NLK: variants seen among roughly 807,000 people sequenced by gnomAD.
NLK encodes the protein serine/threonine-protein kinase NLK.
In NLK, 11 loss-of-function variants were observed where a neutral mutation model predicts 59.0. The observed-to-expected ratio is 0.19, with a 90% CI of 0.12 to 0.31. NLK has a LOEUF of 0.31. Among genes scored for constraint, NLK ranks in the 10% least tolerant of loss-of-function variants. The pLI is 1.00. For missense variants in NLK, 410 were observed against 661.1 expected, an observed-to-expected ratio of 0.62 and a Z score of 4.16; for synonymous variants, 235 against 235.9, an observed-to-expected ratio of 1.00 and a Z score of 0.03.
chr17:28,086,482 CTAAGAT>C (rs1242528979), intron 1 of NLK, among the ~76,000 whole-genome samples: 13 of 151,346 alleles, frequency 8.6e-5, no homozygotes. Context: ...AAGTCTTTGC[CTAAGAT>C]TAAGAGCTGA....
intron 7 of NLK, among the ~76,000 whole-genome samples, chr17:28,175,325 G>T (rs1400581674): frequency 6.6e-6 from 1 of 151,880 alleles, no homozygotes; most frequent in Admixed American, 6.6e-5. Context: ...GTGGTGGCAG[G>T]CGCCTGTAGT....
intron 1 of NLK, among the ~76,000 whole-genome samples, chr17:28,096,218 T>C (rs1307423930): frequency 6.6e-6 from 1 of 152,202 alleles, no homozygotes; most frequent in Admixed American, 6.5e-5. Flanking sequence ...GACTTTCTAC[T>C]GACTCACTAA....
chr17:28,086,117 A>T (rs1910508753), intron 1 of NLK, among the ~76,000 whole-genome samples: 1 of 152,228 alleles, frequency 6.6e-6, no homozygotes, highest in Non-Finnish European at 1.5e-5. Flanking sequence ...TAGTTTTTTT[A>T]AATCATGTAT....
At chr17:28,052,933 C>T (rs959770250) in intron 1 of NLK, among the ~76,000 whole-genome samples, 5 of 147,258 alleles carry the variant, frequency 3.4e-5, no homozygotes, top group Non-Finnish European at 7.5e-5. Context: ...TGTCACCACA[C>T]CTGGCTATTT....
chr17:28,136,557 A>T (rs1038100355), intron 3 of NLK, among the ~76,000 whole-genome samples: 1 of 152,170 alleles, frequency 6.6e-6, no homozygotes, highest in Non-Finnish European at 1.5e-5. Context: ...TTCTGCCTTC[A>T]CTGCTGATTC....
At chr17:28,177,598 C>T (rs1318901211) in intron 7 of NLK, among the ~76,000 whole-genome samples, 5 of 152,174 alleles carry the variant, frequency 3.3e-5, no homozygotes, top group Non-Finnish European at 7.3e-5. Context: ...AACAGGATTT[C>T]CCCAAGTGTT....
In NLK at chr17:28,134,382, C is replaced by G. The variant is rs7210994; in HGVS notation, c.644+1707C>G. Among the ~76,000 whole-genome samples the G allele has an allele frequency of 4.0e-3, 612 of 152,206 alleles. 3 individuals are homozygous for G. Among genetic ancestry groups the G allele is most frequent in the African/African-American group, 0.014 (577 of 41,532 alleles). ...CACCACTGCACTATAGCCTGGGCGA[C>G]AGAGTGAGACCTCGCCCTCCCGCCA... On this transcript the variant is annotated intron_variant, in intron 3 of 10. Coordinates refer to ENST00000407008, the MANE Select transcript of NLK (RefSeq NM_016231.5).
chr17:28,176,250 G>A (rs1908676751), intron 7 of NLK, among the ~76,000 whole-genome samples: 1 of 152,068 alleles, frequency 6.6e-6, no homozygotes, highest in African/African-American at 2.4e-5. Flanking sequence ...CTTAATATAG[G>A]AATATTAGAT....
intron 1 of NLK, among the ~76,000 whole-genome samples, chr17:28,107,826 A>G (rs1345615353): frequency 1.3e-5 from 2 of 152,224 alleles, no homozygotes; most frequent in South Asian, 2.1e-4. Context: ...AAAGAGACAT[A>G]TATCAGTAGA....
intron 3 of NLK, among the ~76,000 whole-genome samples, chr17:28,160,390 AACTTAAT>A (rs1907955983): frequency 6.6e-6 from 1 of 152,202 alleles, no homozygotes; most frequent in Non-Finnish European, 1.5e-5. Context: ...GCCTTAAGAA[AACTTAAT>A]ACTTAAATTA....
intron 4 of NLK, 121 bp downstream of exon 4, chr17:28,161,387 G>T (rs1907997904): frequency 1.7e-6 from 1 of 581,640 alleles, no homozygotes; most frequent in Non-Finnish European, 3.0e-6. Flanking sequence ...TTTTTCTTTT[G>T]ACCAAAGCAT....
At chr17:28,083,202 G>C (rs548921630) in intron 1 of NLK, among the ~76,000 whole-genome samples, 1 of 152,222 alleles carries the variant, frequency 6.6e-6, no homozygotes, top group East Asian at 1.9e-4. Flanking sequence ...AAAATTCTGG[G>C]TATCAGGATG....
At chr17:28,190,617 A>G (rs960669032) in intron 8 of NLK, among the ~76,000 whole-genome samples, 1 of 152,122 alleles carries the variant, frequency 6.6e-6, no homozygotes, top group Non-Finnish European at 1.5e-5. Flanking sequence ...GAAAATTGCC[A>G]CTGTGAACGC....
At position 28,195,520 on chromosome 17, in the gene NLK, T is replaced by C. The variant is rs2142077363; in HGVS notation, c.*884T>C. The C allele has an allele frequency of 6.6e-6, 1 of 152,226 alleles. No homozygotes were observed. Among genetic ancestry groups the C allele is most frequent in the South Asian group, 2.1e-4 (1 of 4,796 alleles). 9.4% of individuals were successfully genotyped at this position (152,226 alleles called of 1,614,324 possible). On this transcript the variant is annotated 3_prime_UTR_variant, in exon 11 of 11. Coordinates refer to ENST00000407008, the MANE Select transcript of NLK (RefSeq NM_016231.5). The stretch of plus-strand genomic sequence containing the variant: ...AAATTTTGTGAGACTTTTCCTGCAC[T>C]GGACAGTAAAAAAATAATAAAAGAC...
intron 1 of NLK, among the ~76,000 whole-genome samples, chr17:28,073,770 A>G (rs891877350): frequency 2.6e-5 from 4 of 152,048 alleles, no homozygotes; most frequent in East Asian, 1.9e-4. Context: ...TCCTACCCCT[A>G]TATATACCCC....
In NLK at chr17:28,066,028, A is replaced by T. The variant is rs536381916; in HGVS notation, c.458+22697A>T. Among the ~76,000 whole-genome samples, 48 of 152,360 alleles carry T rather than the reference A, an allele frequency of 3.2e-4. 1 individual carries two copies. The highest frequency in any genetic ancestry group is 4.9e-4 in the Non-Finnish European group (33 of 68,032). ...CTGGGTAACTTCCTGTTACACCCAC[A>T]GACGAAGTTATGTCAACGTAGCTTT... On this transcript the variant is annotated intron_variant, in intron 1 of 10. Transcript: ENST00000407008.
chr17:28,072,621 G>A (rs1437816765), intron 1 of NLK, among the ~76,000 whole-genome samples: 1 of 151,816 alleles, frequency 6.6e-6, no homozygotes, highest in Non-Finnish European at 1.5e-5. Context: ...CTTATGTTCT[G>A]CTTTTCATAT....
rs189027052 is a variant in NLK at position 28,130,549 on chromosome 17, T to C, written c.589-2071T>C. Reference sequence around the variant, plus strand: ...TTTTTACAAAAAGCCTCATCAAATATGGAGTAAGAAAGCCTCATTCTTCTC... The same window carrying C: ...TTTTTACAAAAAGCCTCATCAAATACGGAGTAAGAAAGCCTCATTCTTCTC... On this transcript the variant is annotated intron_variant, in intron 2 of 10. Coordinates refer to ENST00000407008, the MANE Select transcript of NLK (RefSeq NM_016231.5). Among the ~76,000 whole-genome samples, 42 of 152,340 alleles carry C rather than the reference T, an allele frequency of 2.8e-4. No homozygotes were observed. In the East Asian group the frequency reaches 6.7e-3, roughly 24 times the overall value.
chr17:28,200,816 G>T (rs1312927050), downstream of NLK, among the ~76,000 whole-genome samples: 1 of 151,744 alleles, frequency 6.6e-6, no homozygotes, highest in Non-Finnish European at 1.5e-5. Context: ...TTTTTTTTCA[G>T]TTACACTTTT....
Sources: allele counts gnomAD v4.1 joint callset (sites outside exome capture counted in the v4.1 genomes callset), GRCh38; gene constraint gnomAD v4.1.1; transcripts MANE v1.5; gene names NCBI Gene and HGNC (gene_info 2026-07-23, HGNC 2026-07-21).